SEZ6L: variants seen among roughly 807,000 people sequenced by gnomAD.
The protein encoded by SEZ6L is seizure related 6 homolog like.
SEZ6L carries 37 observed loss-of-function variants against 106.2 expected under a neutral mutation model. The ratio of observed to expected loss-of-function variants is 0.35; its 90% CI spans 0.27 to 0.46. The LOEUF (loss-of-function observed/expected upper bound fraction) is 0.46, where lower values mean the gene tolerates loss of function less well. Ranked by LOEUF, SEZ6L falls within the 20% of genes least tolerant of loss-of-function variation. The probability of loss-of-function intolerance (pLI) is 1.00; values close to 1 mark genes in which losing one functional copy is unlikely to be tolerated. For synonymous variants in SEZ6L, 541 were observed against 570.4 expected, an observed-to-expected ratio of 0.95 and a Z score of 0.73; for missense variants, 1,172 against 1,332.8, an observed-to-expected ratio of 0.88 and a Z score of 1.88.
intron 1 of SEZ6L, among the ~76,000 whole-genome samples, chr22:26,175,103 C>T (rs1938889062): frequency 6.6e-6 from 1 of 152,160 alleles, no homozygotes; most frequent in Admixed American, 6.5e-5. Context: ...CCCAAGACCA[C>T]ATGCAGATTC....
intron 13 of SEZ6L, among the ~76,000 whole-genome samples, chr22:26,368,029 A>G (rs2083880450): frequency 6.6e-6 from 1 of 152,238 alleles, no homozygotes; most frequent in African/African-American, 2.4e-5. Flanking sequence ...TAACGGAAAT[A>G]TGTTCAGTGT....
Position 26,359,677 on chromosome 22 carries a change from C to T in SEZ6L, c.2600-5695C>T, listed in dbSNP as rs143318959. ...TAAATTAGCCAGGCATGATGGTGCA[C>T]GCCAGTGGTCCCAGCGACTCGGGAG... On this transcript the variant is annotated intron_variant, in intron 12 of 16. Transcript: ENST00000248933. Among the ~76,000 whole-genome samples, 716 of 152,126 alleles carry T rather than the reference C, an allele frequency of 4.7e-3. 20 individuals are homozygous for T. Among genetic ancestry groups the T allele is most frequent in the East Asian group, 1.2e-3 (6 of 5,162 alleles).
At chr22:26,309,157 T>A (rs2081734949) in intron 6 of SEZ6L, among the ~76,000 whole-genome samples, 1 of 152,252 alleles carries the variant, frequency 6.6e-6, no homozygotes, top group Non-Finnish European at 1.5e-5. Context: ...TGTGTGTTTA[T>A]GACTCCATAA....
In SEZ6L at chr22:26,284,384, A is replaced by C. The variant is rs575591998; in HGVS notation, c.95-8022A>C. ...CACTTTGGGAGGCCAAGGCACATGG[A>C]TCACTTGAGTTCAGAAGTTCAAGGC... On this transcript the variant is annotated intron_variant, in intron 1 of 16. Coordinates refer to ENST00000248933, the MANE Select transcript of SEZ6L (RefSeq NM_021115.5). 2.0e-4 allele frequency among the ~76,000 whole-genome samples: 30 copies of C among 152,342 alleles called. No homozygotes were observed. In the South Asian group the frequency reaches 6.0e-3, roughly 31 times the overall value.
intron 9 of SEZ6L, among the ~76,000 whole-genome samples, chr22:26,320,881 C>T (rs2082135779): frequency 6.6e-6 from 1 of 152,158 alleles, no homozygotes; most frequent in African/African-American, 2.4e-5. Context: ...TGGGGACAGG[C>T]CAGGGATGCT....
At chr22:26,313,230 A>G (rs1290699239) in intron 8 of SEZ6L, among the ~76,000 whole-genome samples, 2 of 152,228 alleles carry the variant, frequency 1.3e-5, no homozygotes, top group Non-Finnish European at 2.9e-5. Context: ...ACTGTGCAGC[A>G]TGTTTGACAT....
chr22:26,349,565 A>G (rs143728514), intron 11 of SEZ6L, among the ~76,000 whole-genome samples: 36 of 152,316 alleles, frequency 2.4e-4, no homozygotes, highest in African/African-American at 8.4e-4. Context: ...TCATATGTCA[A>G]TCATAGCTCA....
At chr22:26,208,000 C>G (rs1197593517) in intron 1 of SEZ6L, among the ~76,000 whole-genome samples, 1 of 151,828 alleles carries the variant, frequency 6.6e-6, no homozygotes, top group African/African-American at 2.4e-5. Context: ...AGCTCCGCCT[C>G]CCGGGTTCAC....
chr22:26,223,483 AT>A (rs971455345), intron 1 of SEZ6L, among the ~76,000 whole-genome samples: 46 of 152,258 alleles, frequency 3.0e-4, no homozygotes, highest in African/African-American at 1.0e-3. Context: ...TCAAGCACAA[AT>A]TGTGGCTCCT....
chr22:26,317,590 G>T (rs58431229), intron 9 of SEZ6L, among the ~76,000 whole-genome samples: 2,387 of 151,966 alleles, frequency 0.016, 59 homozygotes, highest in African/African-American at 0.055. Context: ...TTAACCTTCA[G>T]CCTGACACCA....
At chr22:26,202,767 G>A (rs1460821780) in intron 1 of SEZ6L, among the ~76,000 whole-genome samples, 2 of 152,202 alleles carry the variant, frequency 1.3e-5, no homozygotes, top group Admixed American at 6.5e-5. Context: ...TTAGAAGAAT[G>A]ATCAGCCCCT....
chr22:26,351,488 C>A, intron 12 of SEZ6L: 3 of 474,960 alleles, frequency 6.3e-6, no homozygotes, highest in Non-Finnish European at 1.1e-5. Flanking sequence ...CTCAAGTAGC[C>A]CTGGGAGCAT....
intron 1 of SEZ6L, among the ~76,000 whole-genome samples, chr22:26,221,835 C>A (rs1409673968): frequency 6.6e-6 from 1 of 152,034 alleles, no homozygotes; most frequent in African/African-American, 2.4e-5. Flanking sequence ...GGACCCAAGT[C>A]AAGAAAGTTT....
At chr22:26,347,673 A>G in intron 10 of SEZ6L, 46 bp from the exon 11 acceptor site, 1 of 1,530,132 alleles carries the variant, frequency 6.5e-7, no homozygotes, top group Non-Finnish European at 8.8e-7. Flanking sequence ...AGGCCCCGAC[A>G]ACAAGACTGC....
intron 1 of SEZ6L, among the ~76,000 whole-genome samples, chr22:26,289,122 CA>C (rs1453602901): frequency 1.3e-5 from 2 of 152,190 alleles, no homozygotes; most frequent in Non-Finnish European, 2.9e-5. Context: ...AGAGGAGACC[CA>C]TGCAAAGTCA....
At chr22:26,376,398 A>G (rs1468335160) in intron 15 of SEZ6L, among the ~76,000 whole-genome samples, 1 of 152,114 alleles carries the variant, frequency 6.6e-6, no homozygotes, top group Non-Finnish European at 1.5e-5. Flanking sequence ...TAGCTAGAGG[A>G]GGCCCCACTG....
intron 1 of SEZ6L, among the ~76,000 whole-genome samples, chr22:26,268,908 A>G (rs568220641): frequency 5.9e-5 from 9 of 152,276 alleles, no homozygotes; most frequent in Non-Finnish European, 1.3e-4. Flanking sequence ...TGCCTGGTTT[A>G]TTTACCCAAC....
chr22:26,208,844 CTCTCTCTGTGTG>C (rs1941432201), intron 1 of SEZ6L, among the ~76,000 whole-genome samples: 1 of 107,366 alleles, frequency 9.3e-6, no homozygotes, highest in Non-Finnish European at 1.8e-5. Context: ...CTTCTTGACT[CTCTCTCTGTGTG>C]TGTGTGTGTG....
At chr22:26,352,310 G>A (rs975105720) in intron 12 of SEZ6L, among the ~76,000 whole-genome samples, 6 of 152,152 alleles carry the variant, frequency 3.9e-5, no homozygotes, top group African/African-American at 1.4e-4. Flanking sequence ...ACTCTCAGCT[G>A]CACTAATATT....
Sources: gnomAD v4.1 joint callset for allele counts (sites outside exome capture counted in the v4.1 genomes callset) on GRCh38, gnomAD v4.1.1 for gene constraint, MANE v1.5 for transcripts, NCBI Gene and HGNC (gene_info 2026-07-23, HGNC 2026-07-21) for gene names.